Variants in CNTNAP3B observed in about 807,000 individuals in gnomAD.
CNTNAP3B encodes contactin associated protein family member 3B.
Under a neutral mutation model 108.9 loss-of-function variants are expected in CNTNAP3B, and 25 were observed. The ratio of observed to expected loss-of-function variants is 0.23; its 90% CI spans 0.17 to 0.32. The LOEUF is 0.32. Ranked by LOEUF, CNTNAP3B falls within the 10% of genes least tolerant of loss-of-function variation. The pLI is 1.00. For missense variants in CNTNAP3B, 252 were observed against 1,210.4 expected (o/e 0.21, Z 11.75); for synonymous variants, 103 against 473.4 (o/e 0.22, Z 10.16).
chr9:41,965,242 T>G (rs1324230289), intron 10 of CNTNAP3B, among the ~76,000 whole-genome samples: 1 of 152,272 alleles, frequency 6.6e-6, no homozygotes, highest in Non-Finnish European at 1.5e-5. Context: ...TCTCAATGCC[T>G]TTTTTTGCAG....
intron 3 of CNTNAP3B, among the ~76,000 whole-genome samples, chr9:42,070,826 C>A (rs1207416503): frequency 6.6e-6 from 1 of 152,024 alleles, no homozygotes; most frequent in East Asian, 1.9e-4. Context: ...CAATTAGGAA[C>A]AAATACACAC....
intron 1 of CNTNAP3B, among the ~76,000 whole-genome samples, chr9:42,110,912 C>T (rs149088229): frequency 7.1e-6 from 1 of 140,266 alleles, no homozygotes; most frequent in Admixed American, 7.1e-5. Context: ...GGAAAAAGTA[C>T]ATTTTACTCA....
intron 3 of CNTNAP3B, among the ~76,000 whole-genome samples, chr9:42,056,300 A>G (rs1827066310): frequency 7.5e-6 from 1 of 133,286 alleles, no homozygotes; most frequent in East Asian, 2.3e-4. Context: ...TAACTTATAA[A>G]CAAGGTTGAA....
In CNTNAP3B at chr9:41,959,789, C is replaced by G. The variant is rs1400320321; in HGVS notation, c.1876+984G>C. On this transcript the variant is annotated intron_variant, in intron 12 of 23. Transcript: ENST00000377561. ...GTTATTTGTTTCTTTATCCTTGATGCTTGCTGACCCATTTGGTTATTGTCC... is the reference window on the plus strand; with the variant it reads ...GTTATTTGTTTCTTTATCCTTGATGGTTGCTGACCCATTTGGTTATTGTCC... Among the ~76,000 whole-genome samples, 4 of 152,426 alleles carry G rather than the reference C, an allele frequency of 2.6e-5. No homozygotes were observed. In the South Asian group the frequency reaches 6.2e-4, roughly 24 times the overall value.
At chr9:42,036,016 G>C (rs1206385271) in intron 3 of CNTNAP3B, among the ~76,000 whole-genome samples, 3 of 147,028 alleles carry the variant, frequency 2.0e-5, no homozygotes, top group African/African-American at 7.7e-5. Context: ...GCTGAGGCAG[G>C]AGAATCGCTT....
chr9:42,108,015 T>TA (rs1564196981), intron 1 of CNTNAP3B, among the ~76,000 whole-genome samples: 2 of 135,774 alleles, frequency 1.5e-5, no homozygotes, highest in Non-Finnish European at 3.1e-5. Flanking sequence ...CTAAATTTTA[T>TA]AAAATAAAAG....
At chr9:41,963,325 T>C (rs1825163886) in intron 11 of CNTNAP3B, among the ~76,000 whole-genome samples, 1 of 152,156 alleles carries the variant, frequency 6.6e-6, no homozygotes, top group Non-Finnish European at 1.5e-5. Flanking sequence ...TGAGGAGAAG[T>C]TGCTCAGAAA....
In CNTNAP3B at chr9:42,124,389, T is replaced by A. The variant is rs1828523288; in HGVS notation, c.85+4621A>T. On this transcript the variant is annotated intron_variant, in intron 1 of 23. Transcript: ENST00000377561. ...CTGTTAAGGCTATCATAGTAAGCAA[T>A]GAATTTCACACTTGTCTTTTATACA... Among the ~76,000 whole-genome samples, 2 of 137,696 alleles carry A rather than the reference T, an allele frequency of 1.5e-5. 1 individual carries two copies. The highest frequency in any genetic ancestry group is 5.8e-5 in the African/African-American group (2 of 34,440). The allele number at this position is 137,696 out of a possible 152,430, so 90.3% of individuals were successfully genotyped here. A position where few individuals can be genotyped will look rare whatever the true frequency, so the allele number is the denominator to read the frequency against.
intron 3 of CNTNAP3B, among the ~76,000 whole-genome samples, chr9:42,044,716 C>A (rs993859965): frequency 2.7e-5 from 4 of 146,436 alleles, no homozygotes; most frequent in Non-Finnish European, 3.0e-5. Flanking sequence ...ACCATTTTGC[C>A]CTGAGATGGT....
At chr9:42,047,758 C>T (rs1826906752) in intron 3 of CNTNAP3B, among the ~76,000 whole-genome samples, 1 of 106,780 alleles carries the variant, frequency 9.4e-6, no homozygotes, top group Non-Finnish European at 1.9e-5. Context: ...ACCTGCATCT[C>T]CTTTTCATCC....
chr9:41,941,490 GCATATGCAAGAAA>G (rs1225348893), intron 13 of CNTNAP3B, among the ~76,000 whole-genome samples: 1 of 151,080 alleles, frequency 6.6e-6, no homozygotes, highest in Non-Finnish European at 1.5e-5. Context: ...AGACATAAAT[GCATATGCAAGAAA>G]CAATACACCC....
chr9:42,123,768 T>A (rs1252491150), intron 1 of CNTNAP3B, among the ~76,000 whole-genome samples: 1 of 137,062 alleles, frequency 7.3e-6, no homozygotes, highest in African/African-American at 2.9e-5. Flanking sequence ...AGTTATATAT[T>A]TCCTGGAAAA....
At chr9:41,917,996 G>T (rs1823564821) in intron 18 of CNTNAP3B, among the ~76,000 whole-genome samples, 1 of 152,312 alleles carries the variant, frequency 6.6e-6, no homozygotes, top group African/African-American at 2.4e-5. Flanking sequence ...TTCTTCATTT[G>T]ATGTATTTCC....
intron 13 of CNTNAP3B, among the ~76,000 whole-genome samples, chr9:41,941,337 T>A: frequency 2.3e-5 from 3 of 130,208 alleles, no homozygotes; most frequent in Non-Finnish European, 5.0e-5. Flanking sequence ...CATAGGCAGG[T>A]TAAAAGTAAA....
Position 42,128,643 on chromosome 9 carries a change from CCT to C in CNTNAP3B, c.85+365_85+366del, listed in dbSNP as rs1443475460. On this transcript the variant is annotated intron_variant, in intron 1 of 23. Coordinates refer to ENST00000377561, the MANE Select transcript of CNTNAP3B (RefSeq NM_001201380.3). ...TGATGTAATGTCTGCCAGTTTTTTCCCTGTTAGACTTAATTCCTACAAAATAT... is the reference window on the plus strand; with the variant it reads ...TGATGTAATGTCTGCCAGTTTTTTCCGTTAGACTTAATTCCTACAAAATAT... Among the ~76,000 whole-genome samples the C allele has an allele frequency of 6.2e-4, 68 of 109,430 alleles. 7 individuals carry two copies. The highest frequency in any genetic ancestry group is 2.7e-3 in the African/African-American group (67 of 24,724). 71.8% of individuals were successfully genotyped at this position (109,430 alleles called of 152,430 possible). A position where few individuals can be genotyped will look rare whatever the true frequency, so the allele number is the denominator to read the frequency against.
intron 1 of CNTNAP3B, among the ~76,000 whole-genome samples, chr9:42,128,627 G>C: frequency 8.5e-6 from 1 of 117,366 alleles, no homozygotes; most frequent in African/African-American, 3.7e-5. Context: ...ATGATGTAAT[G>C]TCTGCCAGTT....
chr9:42,113,958 T>TA (rs201119194), intron 1 of CNTNAP3B, among the ~76,000 whole-genome samples: 1,810 of 133,636 alleles, frequency 0.014, 245 homozygotes, highest in South Asian at 0.056. Context: ...CTAAAAAAAT[T>TA]AAAAATAATA....
chr9:41,966,739 G>T (rs563364451), intron 10 of CNTNAP3B, among the ~76,000 whole-genome samples: 1 of 152,186 alleles, frequency 6.6e-6, no homozygotes, highest in Admixed American at 6.5e-5. Context: ...AGGCTGACGC[G>T]GGTGGATCAC....
intron 11 of CNTNAP3B, among the ~76,000 whole-genome samples, chr9:41,961,890 T>A (rs1343445886): frequency 6.6e-6 from 1 of 152,306 alleles, no homozygotes; most frequent in Non-Finnish European, 1.5e-5. Context: ...AGATGGACAT[T>A]GCTAATCTTT....
Sources: allele counts gnomAD v4.1 joint callset (sites outside exome capture counted in the v4.1 genomes callset), GRCh38; gene constraint gnomAD v4.1.1; transcripts MANE v1.5; gene names NCBI Gene and HGNC (gene_info 2026-07-23, HGNC 2026-07-21).